FRAS1: variants seen among roughly 807,000 people sequenced by gnomAD.
FRAS1 encodes the protein extracellular matrix organizing protein FRAS1.
A neutral mutation model predicts 435.2 loss-of-function variants in FRAS1; 290 were observed. That is an observed-to-expected ratio of 0.67 (90% CI 0.61 to 0.73). FRAS1 has a LOEUF of 0.73. Ranked by LOEUF, FRAS1 falls within the 30% of genes least tolerant of loss-of-function variation. The pLI is 0.00. For missense variants in FRAS1, 4,860 were observed against 5,001.5 expected, an observed-to-expected ratio of 0.97 and a Z score of 0.85; for synonymous variants, 1,800 against 1,851.0, an observed-to-expected ratio of 0.97 and a Z score of 0.71.
chr4:78,490,587 A>T (rs1288295733), intron 59 of FRAS1, among the ~76,000 whole-genome samples: 1 of 152,212 alleles, frequency 6.6e-6, no homozygotes, highest in East Asian at 1.9e-4. Flanking sequence ...GGCAGAAATA[A>T]ATAAGTTCTT....
At chr4:78,190,814 A>C (rs574309028) in intron 2 of FRAS1, among the ~76,000 whole-genome samples, 1 of 152,338 alleles carries the variant, frequency 6.6e-6, no homozygotes, top group Admixed American at 6.5e-5. Flanking sequence ...TGAATTGTTT[A>C]CACTGCCAAA....
intron 29 of FRAS1, among the ~76,000 whole-genome samples, chr4:78,397,209 A>C (rs576030034): frequency 6.6e-6 from 1 of 152,294 alleles, no homozygotes; most frequent in East Asian, 1.9e-4. Context: ...GACCTTTACT[A>C]GTCAACCAAA....
Position 78,477,796 on chromosome 4 carries a change from G to C in FRAS1, c.7852-19G>C. 6.2e-7 allele frequency: 1 copy of C among 1,604,688 alleles called. No homozygotes were observed. The highest frequency in any genetic ancestry group is 8.5e-7 in the Non-Finnish European group (1 of 1,173,688). ...AAGCTGAGGCACAGCTTAACTTCTT[G>C]TTGGTTCCTTTGTGACAGGTCCAGT... is the stretch of plus-strand genomic sequence containing the variant. On this transcript the variant is annotated intron_variant, in intron 54 of 73. Coordinates refer to ENST00000512123, the MANE Select transcript of FRAS1 (RefSeq NM_025074.7).
chr4:78,433,232 C>T (rs1165912153), intron 38 of FRAS1, among the ~76,000 whole-genome samples: 2 of 152,206 alleles, frequency 1.3e-5, no homozygotes, highest in Non-Finnish European at 2.9e-5. Context: ...TAATTAAACT[C>T]ATCTTCTTCC....
intron 3 of FRAS1, among the ~76,000 whole-genome samples, chr4:78,238,611 T>C (rs1724863419): frequency 6.6e-6 from 1 of 152,106 alleles, no homozygotes; most frequent in Non-Finnish European, 1.5e-5. Flanking sequence ...GTACTTTAAG[T>C]ATTGGCAAAT....
At chr4:78,538,113 A>C (rs994327154) in intron 72 of FRAS1, among the ~76,000 whole-genome samples, 1 of 152,380 alleles carries the variant, frequency 6.6e-6, no homozygotes, top group African/African-American at 2.4e-5. Flanking sequence ...GATTACAAAA[A>C]TGTAAAACAT....
At chr4:78,255,856 G>A (rs1175849081) in intron 6 of FRAS1, among the ~76,000 whole-genome samples, 1 of 152,162 alleles carries the variant, frequency 6.6e-6, no homozygotes, top group East Asian at 1.9e-4. Context: ...AAGATAGTGG[G>A]ATTTTGTTGT....
intron 26 of FRAS1, among the ~76,000 whole-genome samples, chr4:78,378,683 G>A (rs569138038): frequency 1.3e-5 from 2 of 152,004 alleles, no homozygotes; most frequent in South Asian, 4.1e-4. Context: ...TTGAAGAAAT[G>A]CCTATTCAAA....
At chr4:78,307,064 T>A (rs1042994459) in intron 14 of FRAS1, among the ~76,000 whole-genome samples, 2 of 152,224 alleles carry the variant, frequency 1.3e-5, no homozygotes, top group African/African-American at 4.8e-5. Context: ...CCTTTCTGTT[T>A]GTTAGTTTTC....
In FRAS1 at chr4:78,218,098, TCA is replaced by T. The variant is rs1553931228; in HGVS notation, c.109-19377_109-19376del. Among the ~76,000 whole-genome samples, 205 of 39,728 alleles carry T rather than the reference TCA, an allele frequency of 5.2e-3. 4 individuals carry two copies. Among genetic ancestry groups the T allele is most frequent in the African/African-American group, 0.016 (166 of 10,272 alleles). 26.1% of individuals were successfully genotyped at this position (39,728 alleles called of 152,430 possible). The stretch of plus-strand genomic sequence containing the variant: ...CCTTCTCTCTCTCTCTCACTCTCTC[TCA>T]CACACACACACACACACACACACAC... On this transcript the variant is annotated intron_variant, in intron 2 of 73. Coordinates refer to ENST00000512123, the MANE Select transcript of FRAS1 (RefSeq NM_025074.7).
rs141203342 is a variant in FRAS1, at chr4:78,543,981, C to T, written c.*2857C>T. 2.6e-5 allele frequency: 4 copies of T among 152,740 alleles called. No individual in the cohort carries two copies. The East Asian group carries it at 5.8e-4, about 22-fold the overall frequency. The allele number at this position is 152,740 out of a possible 1,614,324, so 9.5% of individuals were successfully genotyped here. On this transcript the variant is annotated 3_prime_UTR_variant, in exon 74 of 74. Coordinates refer to ENST00000512123, the MANE Select transcript of FRAS1 (RefSeq NM_025074.7). ...GCTGCCCTTTTATTGTACCCCAGGCCTCCTAGAGGACTCCTGCAGATTCTA... is the reference window on the plus strand; with the variant it reads ...GCTGCCCTTTTATTGTACCCCAGGCTTCCTAGAGGACTCCTGCAGATTCTA...
At chr4:78,377,146 G>A (rs1731798696) in intron 26 of FRAS1, among the ~76,000 whole-genome samples, 1 of 152,128 alleles carries the variant, frequency 6.6e-6, no homozygotes, top group Admixed American at 6.5e-5. Context: ...GTAAAGCTTG[G>A]GAGGGACATT....
At chr4:78,208,791 G>A (rs1162334130) in intron 2 of FRAS1, among the ~76,000 whole-genome samples, 2 of 151,952 alleles carry the variant, frequency 1.3e-5, no homozygotes, top group East Asian at 3.8e-4. Flanking sequence ...TATTCAAGAT[G>A]ACGTTAAAAC....
chr4:78,338,883 A>G (rs1461130661), intron 20 of FRAS1, among the ~76,000 whole-genome samples: 1 of 152,218 alleles, frequency 6.6e-6, no homozygotes, highest in South Asian at 2.1e-4. Flanking sequence ...TTATTTTTGC[A>G]TATGACATTA....
At chr4:78,398,845 T>A (rs1220381283) in intron 29 of FRAS1, among the ~76,000 whole-genome samples, 1 of 152,180 alleles carries the variant, frequency 6.6e-6, no homozygotes, top group Non-Finnish European at 1.5e-5. Context: ...TAGCCAGGCA[T>A]GGTGGTAGGC....
At chr4:78,126,442 G>A (rs1169866001) in intron 2 of FRAS1, among the ~76,000 whole-genome samples, 1 of 152,218 alleles carries the variant, frequency 6.6e-6, no homozygotes, top group African/African-American at 2.4e-5. Flanking sequence ...GATGAACCAG[G>A]TTCCTCAGTT....
intron 38 of FRAS1, among the ~76,000 whole-genome samples, chr4:78,437,630 T>C (rs1043494992): frequency 6.6e-6 from 1 of 152,160 alleles, no homozygotes; most frequent in Admixed American, 6.5e-5. Context: ...GTGTCTGTGC[T>C]CACATTCCTG....
At chr4:78,326,661 T>C (rs974423629) in intron 18 of FRAS1, among the ~76,000 whole-genome samples, 15 of 152,284 alleles carry the variant, frequency 9.9e-5, no homozygotes, top group African/African-American at 3.4e-4. Flanking sequence ...GCTGTACACA[T>C]AAATTTAGGA....
chr4:78,397,984 C>T (rs931938471), intron 29 of FRAS1, among the ~76,000 whole-genome samples: 1 of 152,042 alleles, frequency 6.6e-6, no homozygotes, highest in South Asian at 2.1e-4. Flanking sequence ...TTTTACTCCA[C>T]TGGGGTACTG....
Sources: allele counts gnomAD v4.1 joint callset (sites outside exome capture counted in the v4.1 genomes callset), GRCh38; gene constraint gnomAD v4.1.1; transcripts MANE v1.5; gene names NCBI Gene and HGNC (gene_info 2026-07-23, HGNC 2026-07-21).